The following CCDC148 variants were observed in gnomAD, a reference collection of about 807,000 sequenced individuals.
CCDC148 encodes the protein coiled-coil domain-containing protein 148.
CCDC148 carries 89 observed loss-of-function variants against 85.7 expected under a neutral mutation model. The ratio of observed to expected loss-of-function variants is 1.04; its 90% CI spans 0.87 to 1.24. The LOEUF (loss-of-function observed/expected upper bound fraction) is 1.24. Ranked by LOEUF, CCDC148 falls within the 50% of genes most tolerant of loss-of-function variation. The pLI, the probability that CCDC148 is intolerant of heterozygous loss-of-function variation, is 0.00. For missense variants in CCDC148, 692 were observed against 671.7 expected, an observed-to-expected ratio of 1.03 and a Z score of -0.33; for synonymous variants, 230 against 213.9, an observed-to-expected ratio of 1.08 and a Z score of -0.66.
chr2:158,440,936 A>G (rs1283984897), intron 1 of CCDC148, among the ~76,000 whole-genome samples: 1 of 152,186 alleles, frequency 6.6e-6, no homozygotes, highest in Admixed American at 6.5e-5. Context: ...AGTAGCAGCT[A>G]CTTGGGAGGC....
At chr2:158,288,694 C>A in intron 9 of CCDC148, 1 of 313,476 alleles carries the variant, frequency 3.2e-6, no homozygotes, top group Non-Finnish European at 6.1e-6. Context: ...TCTGAGCCTT[C>A]CACACTGTTC....
At chr2:158,193,693 A>G (rs1156993152) in intron 11 of CCDC148, among the ~76,000 whole-genome samples, 3 of 152,148 alleles carry the variant, frequency 2.0e-5, no homozygotes, top group Admixed American at 6.6e-5. Context: ...CAATTGATAA[A>G]ACATTATAAA....
At chr2:158,225,767 GAC>G (rs1687480871) in intron 10 of CCDC148, among the ~76,000 whole-genome samples, 1 of 152,126 alleles carries the variant, frequency 6.6e-6, no homozygotes, top group Admixed American at 6.5e-5. Context: ...TGAGAACAAA[GAC>G]ACAACATACC....
At chr2:158,189,141 G>A (rs868249094) in intron 11 of CCDC148, among the ~76,000 whole-genome samples, 1 of 151,936 alleles carries the variant, frequency 6.6e-6, no homozygotes. Context: ...TACATTGTTG[G>A]TAGGAATGTG....
At chr2:158,244,473 C>T (rs994218423) in intron 10 of CCDC148, among the ~76,000 whole-genome samples, 1 of 152,038 alleles carries the variant, frequency 6.6e-6, no homozygotes, top group African/African-American at 2.4e-5. Flanking sequence ...CATAAAAGTC[C>T]AGTTCTTTAT....
chr2:158,433,896 G>T (rs1053576446), intron 1 of CCDC148, among the ~76,000 whole-genome samples: 1 of 152,332 alleles, frequency 6.6e-6, no homozygotes, highest in African/African-American at 2.4e-5. Flanking sequence ...ATCTGAGATC[G>T]AACCGCAAGG....
intron 1 of CCDC148, among the ~76,000 whole-genome samples, chr2:158,378,926 C>T (rs1049030722): frequency 6.6e-6 from 1 of 152,120 alleles, no homozygotes; most frequent in African/African-American, 2.4e-5. Context: ...ATTAATGTTG[C>T]TTTCATGCCT....
chr2:158,409,481 T>C (rs1686167260), intron 1 of CCDC148, among the ~76,000 whole-genome samples: 1 of 152,208 alleles, frequency 6.6e-6, no homozygotes, highest in Non-Finnish European at 1.5e-5. Context: ...ATTTCAGACT[T>C]GCATGGGGCC....
chr2:158,348,578 T>C (rs1402284457), intron 2 of CCDC148, among the ~76,000 whole-genome samples: 2 of 152,020 alleles, frequency 1.3e-5, no homozygotes, highest in African/African-American at 4.8e-5. Context: ...GACATGGTAA[T>C]AGTATTGTAG....
chr2:158,429,912 TTAG>T (rs879500604), intron 1 of CCDC148, among the ~76,000 whole-genome samples: 1 of 152,126 alleles, frequency 6.6e-6, no homozygotes, highest in Non-Finnish European at 1.5e-5. Flanking sequence ...ATTCTCAGCA[TTAG>T]TAGCCTTCAG....
At chr2:158,360,527 A>T (rs1394258305) in intron 1 of CCDC148, among the ~76,000 whole-genome samples, 1 of 152,184 alleles carries the variant, frequency 6.6e-6, no homozygotes, top group African/African-American at 2.4e-5. Flanking sequence ...ATACCCAGGT[A>T]AACAGAGTCT....
At chr2:158,438,826 G>A (rs1392890594) in intron 1 of CCDC148, among the ~76,000 whole-genome samples, 3 of 152,142 alleles carry the variant, frequency 2.0e-5, no homozygotes, top group Admixed American at 6.5e-5. Flanking sequence ...GATATGAACA[G>A]ACACTTCTCA....
chr2:158,293,680 T>A (rs1691000377), intron 9 of CCDC148, among the ~76,000 whole-genome samples: 2 of 152,190 alleles, frequency 1.3e-5, no homozygotes, highest in South Asian at 4.1e-4. Flanking sequence ...ACAGAATCTT[T>A]GTGAGAATAC....
chr2:158,386,616 A>G (rs1229292017), intron 1 of CCDC148, among the ~76,000 whole-genome samples: 3 of 152,062 alleles, frequency 2.0e-5, no homozygotes, highest in Admixed American at 6.6e-5. Context: ...AGATGCTCCA[A>G]ACTCCATGAT....
intron 9 of CCDC148, among the ~76,000 whole-genome samples, chr2:158,296,595 T>G (rs989989207): frequency 2.0e-5 from 3 of 152,222 alleles, no homozygotes; most frequent in African/African-American, 7.2e-5. Flanking sequence ...ACATCTATAT[T>G]CTAGACCAAG....
chr2:158,340,162 G>A, intron 5 of CCDC148, 80 bp downstream of exon 5: 1 of 1,276,182 alleles, frequency 7.8e-7, no homozygotes, highest in Non-Finnish European at 1.1e-6. Context: ...GGTCACACAT[G>A]TTTGTTTCTT....
chr2:158,419,868 A>G (rs918452027), intron 1 of CCDC148: 2 of 152,090 alleles, frequency 1.3e-5, no homozygotes, highest in Non-Finnish European at 2.9e-5. Context: ...CCCCACCCCT[A>G]GAAAGAAAAA....
chr2:158,310,885 G>A (rs1289503280), intron 8 of CCDC148, among the ~76,000 whole-genome samples: 11 of 150,876 alleles, frequency 7.3e-5, no homozygotes, highest in Admixed American at 3.3e-4. Context: ...CTGGGTGGCC[G>A]GGCAGAGGGG....
chr2:158,208,671 G>A (rs769309073), intron 11 of CCDC148, among the ~76,000 whole-genome samples: 12 of 152,168 alleles, frequency 7.9e-5, no homozygotes, highest in Non-Finnish European at 1.6e-4. Flanking sequence ...GGATAATTCC[G>A]AAGGGAGTTG....
Sources: allele counts gnomAD v4.1 joint callset (sites outside exome capture counted in the v4.1 genomes callset), GRCh38; gene constraint gnomAD v4.1.1; transcripts MANE v1.5; gene names NCBI Gene and HGNC (gene_info 2026-07-23, HGNC 2026-07-21).